The following TMEM117 variants were observed in gnomAD, a reference collection of about 807,000 sequenced individuals.
TMEM117 encodes transmembrane protein 117.
TMEM117 carries 27 observed loss-of-function variants against 52.4 expected under a neutral mutation model. The ratio of observed to expected loss-of-function variants is 0.51; its 90% CI spans 0.38 to 0.71. The LOEUF (loss-of-function observed/expected upper bound fraction) is 0.71. Ranked by LOEUF, TMEM117 falls within the 30% of genes least tolerant of loss-of-function variation. The pLI is 0.00. For missense variants in TMEM117, 556 were observed against 630.5 expected, an observed-to-expected ratio of 0.88 and a Z score of 1.26; for synonymous variants, 215 against 206.3, an observed-to-expected ratio of 1.04 and a Z score of -0.36.
intron 6 of TMEM117, among the ~76,000 whole-genome samples, chr12:44,305,121 C>G (rs1378897880): frequency 1.3e-5 from 2 of 152,126 alleles, no homozygotes; most frequent in Non-Finnish European, 1.5e-5. Flanking sequence ...CAGTATATAC[C>G]ATAAGCTGAC....
At chr12:43,905,234 G>A (rs1489006569) in intron 2 of TMEM117, among the ~76,000 whole-genome samples, 1 of 152,178 alleles carries the variant, frequency 6.6e-6, no homozygotes, top group Non-Finnish European at 1.5e-5. Flanking sequence ...GTTATGCAGA[G>A]AAAGCTTAGA....
chr12:44,393,295 T>C (rs1181460663), downstream of TMEM117, among the ~76,000 whole-genome samples: 2 of 152,180 alleles, frequency 1.3e-5, no homozygotes, highest in Non-Finnish European at 2.9e-5. Context: ...TAATTTATAA[T>C]TGAGAATCAC....
intron 1 of TMEM117, among the ~76,000 whole-genome samples, chr12:43,840,713 G>C (rs912852446): frequency 6.6e-6 from 1 of 152,216 alleles, no homozygotes; most frequent in African/African-American, 2.4e-5. Context: ...AAGTGAGGGA[G>C]ACAAACACAT....
chr12:44,077,228 CTG>C (rs924340063), intron 3 of TMEM117, among the ~76,000 whole-genome samples: 2 of 152,134 alleles, frequency 1.3e-5, no homozygotes, highest in African/African-American at 4.8e-5. Flanking sequence ...CCTTCCAAGC[CTG>C]TGTTTCTTTA....
chr12:44,156,947 G>A (rs1592566238), intron 4 of TMEM117, among the ~76,000 whole-genome samples: 1 of 152,102 alleles, frequency 6.6e-6, no homozygotes, highest in East Asian at 1.9e-4. Context: ...GATGCTCACA[G>A]TGTATTCCCC....
At chr12:44,286,960 C>A (rs1360155563) in intron 5 of TMEM117, among the ~76,000 whole-genome samples, 1 of 152,116 alleles carries the variant, frequency 6.6e-6, no homozygotes, top group Non-Finnish European at 1.5e-5. Flanking sequence ...TCACTGGCAG[C>A]CTCTGTGACA....
At chr12:44,178,763 T>A (rs1949150269) in intron 4 of TMEM117, among the ~76,000 whole-genome samples, 1 of 152,176 alleles carries the variant, frequency 6.6e-6, no homozygotes. Flanking sequence ...AGATAACATA[T>A]CTACTTCTGA....
intron 3 of TMEM117, among the ~76,000 whole-genome samples, chr12:43,952,853 A>G (rs941939436): frequency 6.6e-6 from 1 of 152,154 alleles, no homozygotes; most frequent in African/African-American, 2.4e-5. Context: ...CAGATTCTCC[A>G]GAGTTGAAAT....
intron 3 of TMEM117, among the ~76,000 whole-genome samples, chr12:44,087,554 G>A (rs1262670155): frequency 6.6e-6 from 1 of 152,028 alleles, no homozygotes; most frequent in Non-Finnish European, 1.5e-5. Flanking sequence ...CTCAATCTCT[G>A]CAGGCTCTGG....
intron 6 of TMEM117, among the ~76,000 whole-genome samples, chr12:44,345,921 T>C (rs1951480729): frequency 6.6e-6 from 1 of 152,152 alleles, no homozygotes; most frequent in Non-Finnish European, 1.5e-5. Flanking sequence ...CTGCTTATTT[T>C]ACTTCTATAG....
At chr12:44,192,119 T>C (rs1213644105) in intron 4 of TMEM117, among the ~76,000 whole-genome samples, 1 of 152,140 alleles carries the variant, frequency 6.6e-6, no homozygotes, top group East Asian at 1.9e-4. Flanking sequence ...ATATACTCAA[T>C]CTTAGAGGAG....
Position 43,858,532 on chromosome 12 carries a change from C to T in TMEM117, c.277+13604C>T, listed in dbSNP as rs12582087. 9.0e-3 allele frequency among the ~76,000 whole-genome samples: 1,373 copies of T among 152,348 alleles called. 69 individuals are homozygous for T. The East Asian group carries it at 0.16, about 18-fold the overall frequency. On this transcript the variant is annotated intron_variant, in intron 2 of 7. Transcript: ENST00000266534. ...CTGTGGAGCCCAGAGAAACTCAGTA[C>T]AATGCTTCCTGTCCTTGTGGCCATC...
At chr12:43,822,811 C>A in the TMEM117 span, among the ~76,000 whole-genome samples, 1 of 150,922 alleles carries the variant, frequency 6.6e-6, no homozygotes, top group Non-Finnish European at 1.5e-5. Flanking sequence ...GTAGGAGGAT[C>A]ACTAGAGCCC....
chr12:43,978,047 G>T (rs572927156), intron 3 of TMEM117, among the ~76,000 whole-genome samples: 3 of 152,278 alleles, frequency 2.0e-5, no homozygotes, highest in Non-Finnish European at 4.4e-5. Flanking sequence ...ATGCCTGTGA[G>T]CTGGCAATCT....
At chr12:43,925,647 T>C (rs1246399890) in intron 2 of TMEM117, among the ~76,000 whole-genome samples, 1 of 152,170 alleles carries the variant, frequency 6.6e-6, no homozygotes, top group Non-Finnish European at 1.5e-5. Flanking sequence ...GAAGGTGAAT[T>C]ACGTGAAATC....
downstream of TMEM117, among the ~76,000 whole-genome samples, chr12:44,390,199 GACACACACACACAC>G (rs58917894): frequency 2.1e-5 from 3 of 143,692 alleles, no homozygotes; most frequent in South Asian, 4.5e-4. Context: ...AAACATATCT[GACACACACACACAC>G]ACACACACAC....
intron 3 of TMEM117, among the ~76,000 whole-genome samples, chr12:44,122,738 A>G (rs991373544): frequency 2.6e-5 from 4 of 152,202 alleles, no homozygotes; most frequent in Admixed American, 1.3e-4. Flanking sequence ...TGCAAAGGAC[A>G]TGATCTCATT....
downstream of TMEM117, among the ~76,000 whole-genome samples, chr12:44,391,904 A>G (rs1170946546): frequency 3.3e-5 from 5 of 152,090 alleles, no homozygotes; most frequent in African/African-American, 7.2e-5. Context: ...TCACTACTCT[A>G]TCTGGCCTGA....
chr12:44,121,136 A>G (rs1948227436), intron 3 of TMEM117, among the ~76,000 whole-genome samples: 1 of 152,184 alleles, frequency 6.6e-6, no homozygotes, highest in Non-Finnish European at 1.5e-5. Context: ...CACTATCATG[A>G]TAACATCATG....
Sources: allele counts gnomAD v4.1 joint callset (sites outside exome capture counted in the v4.1 genomes callset), GRCh38; gene constraint gnomAD v4.1.1; transcripts MANE v1.5; gene names NCBI Gene and HGNC (gene_info 2026-07-23, HGNC 2026-07-21).